GAB2: variants seen among roughly 807,000 people sequenced by gnomAD.
GAB2 encodes GRB2 associated binding protein 2, also known as GRB2-associated-binding protein 2.
In GAB2, 26 loss-of-function variants were observed where a neutral mutation model predicts 65.5. The observed-to-expected ratio is 0.40, with a 90% confidence interval of 0.29 to 0.55. The LOEUF (loss-of-function observed/expected upper bound fraction) is 0.55, where lower values mean the gene tolerates loss of function less well. Ranked by LOEUF, GAB2 falls within the 20% of genes least tolerant of loss-of-function variation. The pLI, the probability that GAB2 is intolerant of heterozygous loss-of-function variation, is 0.53. For missense variants in GAB2, 884 were observed against 875.8 expected, an observed-to-expected ratio of 1.01 and a Z score of -0.12; for synonymous variants, 321 against 329.6, an observed-to-expected ratio of 0.97 and a Z score of 0.28.
intron 2 of GAB2, among the ~76,000 whole-genome samples, chr11:78,271,336 C>A (rs1454951599): frequency 6.6e-6 from 1 of 152,168 alleles, no homozygotes; most frequent in Non-Finnish European, 1.5e-5. Context: ...TTTGTACACA[C>A]AAAATAAGCA....
At chr11:78,386,914 T>C (rs1466681489) in intron 1 of GAB2, among the ~76,000 whole-genome samples, 1 of 152,266 alleles carries the variant, frequency 6.6e-6, no homozygotes, top group Non-Finnish European at 1.5e-5. Flanking sequence ...TACATCTGGT[T>C]TATAAATGTT....
intron 2 of GAB2, among the ~76,000 whole-genome samples, chr11:78,274,808 T>C (rs1473362894): frequency 6.6e-6 from 1 of 152,148 alleles, no homozygotes; most frequent in African/African-American, 2.4e-5. Context: ...ATGCATAGTG[T>C]CCAAAGGGGC....
chr11:78,235,948 A>G (rs1381317242), intron 3 of GAB2, among the ~76,000 whole-genome samples: 1 of 152,192 alleles, frequency 6.6e-6, no homozygotes, highest in Non-Finnish European at 1.5e-5. Flanking sequence ...AATTAACTGT[A>G]TTAGTCCATT....
chr11:78,277,039 G>A (rs1299227239), intron 2 of GAB2, among the ~76,000 whole-genome samples: 4 of 152,062 alleles, frequency 2.6e-5, no homozygotes, highest in African/African-American at 9.7e-5. Flanking sequence ...GGATGGTGTC[G>A]ATCTCCTAAC....
At position 78,215,679 on chromosome 11, in the gene GAB2, CAT is replaced by C. The variant is rs1422930411; in HGVS notation, c.*3591_*3592del. 1 of 152,328 alleles carries C rather than the reference CAT, an allele frequency of 6.6e-6. No homozygotes were observed. The highest frequency in any genetic ancestry group is 2.4e-5 in the African/African-American group (1 of 41,460). 9.4% of individuals were successfully genotyped at this position (152,328 alleles called of 1,614,324 possible). On this transcript the variant is annotated 3_prime_UTR_variant, in exon 10 of 10. Transcript: ENST00000361507. Reference sequence around the variant, plus strand: ...ACACAACACATGCCACCATAAATCACATGACAGCCTGGATCTCTTGGGGACCC... The same window carrying C: ...ACACAACACATGCCACCATAAATCACGACAGCCTGGATCTCTTGGGGACCC...
intron 3 of GAB2, among the ~76,000 whole-genome samples, chr11:78,243,998 T>C (rs538074523): frequency 1.4e-4 from 21 of 151,950 alleles, no homozygotes; most frequent in African/African-American, 4.1e-4. Flanking sequence ...AGTAATGAGA[T>C]GGAATTTGCA....
intron 1 of GAB2, among the ~76,000 whole-genome samples, chr11:78,291,636 A>C (rs2134606894): frequency 7.2e-6 from 1 of 138,128 alleles, no homozygotes; most frequent in East Asian, 2.1e-4. Flanking sequence ...CAGTGGCGCA[A>C]ACATGGCTCA....
chr11:78,339,157 C>T (rs1311020007), intron 1 of GAB2, among the ~76,000 whole-genome samples: 2 of 152,070 alleles, frequency 1.3e-5, no homozygotes, highest in Admixed American at 1.3e-4. Flanking sequence ...AACTCCTGGC[C>T]TCAACTGATC....
At chr11:78,363,458 C>T (rs1688369844) in intron 1 of GAB2, among the ~76,000 whole-genome samples, 1 of 152,190 alleles carries the variant, frequency 6.6e-6, no homozygotes, top group Non-Finnish European at 1.5e-5. Flanking sequence ...TATGTATTCT[C>T]TCCAACATCT....
In GAB2 at chr11:78,219,039, G is replaced by C. The variant is rs1389427938; in HGVS notation, c.*233C>G. 3 of 532,812 alleles carry C rather than the reference G, an allele frequency of 5.6e-6. No homozygotes were observed. The highest frequency in any genetic ancestry group is 1.0e-5 in the Non-Finnish European group (3 of 299,576). 33.0% of individuals were successfully genotyped at this position (532,812 alleles called of 1,614,324 possible). A position where few individuals can be genotyped will look rare whatever the true frequency, so the allele number is the denominator to read the frequency against. On this transcript the variant is annotated 3_prime_UTR_variant, in exon 10 of 10. Transcript: ENST00000361507. The stretch of plus-strand genomic sequence containing the variant: ...CCTAACTAAGGTGGGTGGAGGCATG[G>C]CCATTACTGATAAAAATCACAGCTG...
intron 3 of GAB2, among the ~76,000 whole-genome samples, chr11:78,234,879 A>G (rs1864942065): frequency 6.6e-6 from 1 of 151,930 alleles, no homozygotes; most frequent in African/African-American, 2.4e-5. Context: ...GCATGGTGGC[A>G]CGCGCCTGTA....
chr11:78,350,105 G>A (rs978644081), intron 1 of GAB2, among the ~76,000 whole-genome samples: 20 of 152,082 alleles, frequency 1.3e-4, no homozygotes, highest in African/African-American at 4.8e-4. Context: ...TTAGGCAAAT[G>A]GGTCATGCTG....
intron 1 of GAB2, among the ~76,000 whole-genome samples, chr11:78,319,048 A>G (rs1406472872): frequency 6.6e-6 from 1 of 152,152 alleles, no homozygotes; most frequent in Non-Finnish European, 1.5e-5. Context: ...CTGCTGCTGC[A>G]CAACAGAGGT....
chr11:78,355,680 TA>T (rs67850407), intron 1 of GAB2, among the ~76,000 whole-genome samples: 14 of 79,142 alleles, frequency 1.8e-4, no homozygotes, highest in Admixed American at 1.7e-4. Context: ...CTGTCTCACT[TA>T]AAAAAAAAAA....
chr11:78,315,298 TC>T (rs1483259325), intron 1 of GAB2, among the ~76,000 whole-genome samples: 1 of 152,216 alleles, frequency 6.6e-6, no homozygotes, highest in African/African-American at 2.4e-5. Flanking sequence ...CTTTTTAATG[TC>T]TTTGAACTGC....
intron 1 of GAB2, among the ~76,000 whole-genome samples, chr11:78,397,960 A>G (rs1856922339): frequency 6.6e-6 from 1 of 151,902 alleles, no homozygotes; most frequent in Admixed American, 6.6e-5. Flanking sequence ...GCTAAGTGAG[A>G]GGAGCACTTG....
At chr11:78,345,151 G>A (rs1186010375) in intron 1 of GAB2, among the ~76,000 whole-genome samples, 1 of 152,098 alleles carries the variant, frequency 6.6e-6, no homozygotes, top group Non-Finnish European at 1.5e-5. Flanking sequence ...GTGGTGGCAC[G>A]CACCTATAGT....
At chr11:78,281,263 G>A (rs1251377197) in intron 1 of GAB2, among the ~76,000 whole-genome samples, 1 of 125,466 alleles carries the variant, frequency 8.0e-6, no homozygotes, top group Non-Finnish European at 1.7e-5. Context: ...TTTTTTTTTT[G>A]AGATGGAGTT....
At chr11:78,262,510 G>C (rs773402896) in intron 2 of GAB2, among the ~76,000 whole-genome samples, 1 of 152,154 alleles carries the variant, frequency 6.6e-6, no homozygotes, top group African/African-American at 2.4e-5. Context: ...AGGATCTGTC[G>C]CAGAGGGTAC....
Sources: gnomAD v4.1 joint callset for allele counts (sites outside exome capture counted in the v4.1 genomes callset) on GRCh38, gnomAD v4.1.1 for gene constraint, MANE v1.5 for transcripts, NCBI Gene and HGNC (gene_info 2026-07-23, HGNC 2026-07-21) for gene names.